SELENBP1: variants seen among roughly 807,000 people sequenced by gnomAD.
SELENBP1 encodes selenium binding protein 1.
A neutral mutation model predicts 61.0 loss-of-function variants in SELENBP1; 71 were observed. The ratio of observed to expected loss-of-function variants is 1.16; its 90% CI spans 0.96 to 1.42. SELENBP1 has a LOEUF of 1.42. SELENBP1 is among the 40% of genes most tolerant of loss of function. The pLI, the probability that SELENBP1 is intolerant of heterozygous loss-of-function variation, is 0.00. For synonymous variants in SELENBP1, 270 were observed against 238.9 expected (o/e 1.13, Z -1.20); for missense variants, 561 against 605.0 (o/e 0.93, Z 0.76).
Position 151,365,265 on chromosome 1 carries a change from C to T in SELENBP1, c.1061G>A (p.Ser354Asn), listed in dbSNP as rs1331829672. The T allele has an allele frequency of 6.2e-7, 1 of 1,612,582 alleles. No individual in the cohort carries two copies. The highest frequency in any genetic ancestry group is 1.1e-5 in the South Asian group (1 of 90,778). ...RLTGQLFLGG[S>N]IVKGGPVQVL... ...TTGCACAGGGCCTCCCTTAACAATG[C>T]TGCCTCCGAGGAAGAGCTAGATGGG... The change falls in exon 10 of 12, where the codon AGC becomes AAC. Residue 354 changes from serine to asparagine, a missense_variant. By Grantham distance (46) the Ser-to-Asn change is conservative (BLOSUM62 1). Transcript: ENST00000368868.
At chr1:151,369,982 A>G in intron 1 of SELENBP1, 1 of 1,469,076 alleles carries the variant, frequency 6.8e-7, no homozygotes, top group Non-Finnish European at 9.0e-7. Flanking sequence ...ACATGACCTG[A>G]AGGTGGACAG....
intron 1 of SELENBP1, 190 bp from the exon 2 acceptor site, chr1:151,369,959 A>T (rs1652064156): frequency 6.7e-7 from 1 of 1,490,382 alleles, no homozygotes; most frequent in East Asian, 2.5e-5. Context: ...TTGTGCTGGG[A>T]AGAGCTGGAG....
At chr1:151,370,013 G>T (rs192314072) in intron 1 of SELENBP1, 2 of 1,441,164 alleles carry the variant, frequency 1.4e-6, no homozygotes, top group Middle Eastern at 2.5e-4. Flanking sequence ...AGGGCCCCGG[G>T]AGGGTGGGAG....
chr1:151,369,830 C>T, intron 1 of SELENBP1, 61 bp from the exon 2 acceptor site: 1 of 1,551,716 alleles, frequency 6.4e-7, no homozygotes, highest in Non-Finnish European at 8.7e-7. Context: ...GCTCCCTCCG[C>T]ACGTTCTGCA....
At position 151,365,597 on chromosome 1, in the gene SELENBP1, A is replaced by T. The variant is rs761334040; in HGVS notation, c.1010T>A (p.Ile337Asn). ...GAGGCGGGGTCTCTGTGGGTCAGAG[A>T]TGTCATACTGCCTCAGGTCCCCATG... The part of the protein sequence containing the change: ...WLHGDLRQYD[I>N]SDPQRPRLTG... Residue 337 changes from isoleucine (I) to asparagine (N), a missense_variant, in exon 9 of 12, where the codon ATC (isoleucine) becomes AAC (asparagine). Coordinates refer to ENST00000368868, the MANE Select transcript of SELENBP1 (RefSeq NM_003944.4). 4 of 1,613,952 alleles carry T rather than the reference A, an allele frequency of 2.5e-6. No individual in the cohort carries two copies. The highest frequency in any genetic ancestry group is 2.2e-5 in the South Asian group (2 of 91,074).
At chr1:151,368,051 T>C (rs1651948105) in intron 5 of SELENBP1, 148 bp downstream of exon 5, 1 of 1,036,344 alleles carries the variant, frequency 9.6e-7, no homozygotes, top group Non-Finnish European at 1.4e-6. Flanking sequence ...CTTGCTAACA[T>C]TTAAAATACT....
rs377616048 is a variant in SELENBP1 at position 151,366,856 on chromosome 1, C to A, written c.530G>T (p.Trp177Leu). Residue 177 changes from tryptophan to leucine, a missense_variant, in exon 6 of 12, where the codon TGG becomes TTG. Coordinates refer to ENST00000368868, the MANE Select transcript of SELENBP1 (RefSeq NM_003944.4). ...DGETFEVKGT[W>L]ERPGGAAPLG... ...CGGTGCAGCACCCCCAGGTCTCTCC[C>A]ATGTCCCCTTCACCTCGAACGTCTC... 1.2e-5 allele frequency: 20 copies of A among 1,614,082 alleles called. No homozygotes were observed. Among genetic ancestry groups the A allele is most frequent in the Non-Finnish European group, 1.6e-5 (19 of 1,180,038 alleles).
chr1:151,372,233 TC>T (rs1299724974), intron 1 of SELENBP1, among the ~76,000 whole-genome samples: 2 of 152,152 alleles, frequency 1.3e-5, no homozygotes, highest in Non-Finnish European at 2.9e-5. Context: ...GGCTTTGGAC[TC>T]CCTACCTCGC....
In SELENBP1 at chr1:151,365,810, G is replaced by A. The variant is rs539688714; in HGVS notation, c.880C>T (p.Pro294Ser). Residue 294 changes from proline to serine, a missense_variant, in exon 8 of 12, where the codon CCC becomes TCC. Transcript: ENST00000368868. ...AGCCAGCCCTTCACTTTCTTGGGGG[G>A]CACCTGGATCACCTTCTCCACTGAC... ...TWSVEKVIQVPPKKVKGWLLP... is the reference protein window; with the variant it reads ...TWSVEKVIQVSPKKVKGWLLP... The A allele has an allele frequency of 3.7e-5, 59 of 1,614,150 alleles. 1 individual carries two copies. The highest frequency in any genetic ancestry group is 3.4e-4 in the South Asian group (31 of 91,078).
chr1:151,371,173 C>G (rs936248817), intron 1 of SELENBP1, among the ~76,000 whole-genome samples: 6 of 152,022 alleles, frequency 3.9e-5, no homozygotes, highest in Admixed American at 1.3e-4. Flanking sequence ...CACCTAAGGT[C>G]AGGAGTTTGA....
At chr1:151,364,877 C>T in intron 11 of SELENBP1, 49 bp downstream of exon 11, 5 of 1,593,028 alleles carry the variant, frequency 3.1e-6, no homozygotes, top group South Asian at 2.2e-5. Flanking sequence ...CAAATGACCC[C>T]TCTGGAAGAG....
At chr1:151,368,400 A>G in intron 4 of SELENBP1, 81 bp from the exon 5 acceptor site, 8 of 1,550,614 alleles carry the variant, frequency 5.2e-6, no homozygotes, top group Non-Finnish European at 7.1e-6. Context: ...CCCTACTTCT[A>G]TCTGCTGACT....
chr1:151,369,556 T>C lies in SELENBP1; in HGVS notation c.62-2A>G. 6.2e-7 allele frequency: 1 copy of C among 1,602,354 alleles called. No homozygotes were observed. Among genetic ancestry groups the C allele is most frequent in the Non-Finnish European group, 8.5e-7 (1 of 1,174,820 alleles). On this transcript the variant is annotated splice_acceptor_variant, in intron 2 of 11. Transcript: ENST00000368868. LOFTEE classifies it high-confidence loss of function. The stretch of plus-strand genomic sequence containing the variant: ...GGTAGACGATCTCTTCCCTGGGTCC[T>C]GCACGGTAGAAAGCAGGCAGCAGGG...
Position 151,369,051 on chromosome 1 carries a change from A to G in SELENBP1, c.313T>C (p.Tyr105His). 1 of 1,613,842 alleles carries G rather than the reference A, an allele frequency of 6.2e-7. No individual in the cohort carries two copies. ...GGCTCAGAGCCCACGTCCACCACAT[A>G]GATGCGAGAGGAGATGAGACTGGGC... ...VLPSLISSRI[Y>H]VVDVGSEPRA... Residue 105 changes from tyrosine to histidine, a missense_variant, in exon 4 of 12, where the codon TAT becomes CAT. Coordinates refer to ENST00000368868, the MANE Select transcript of SELENBP1 (RefSeq NM_003944.4).
rs1274755003 is a variant in SELENBP1, at chr1:151,364,567, A to G, written c.1395T>C (p.Asp465=). Reference sequence around the variant, plus strand: ...TTCAAATCCAGATGTCAGAGCTACAATCGCCCCCAGGGTAGCGGAGCTCAT... The same window carrying G: ...TTCAAATCCAGATGTCAGAGCTACAGTCGCCCCCAGGGTAGCGGAGCTCAT... ...LAHELRYPGG[D]CSSDIWI The change falls in exon 12 of 12, where the codon GAT becomes GAC. Residue 465 remains aspartate (D), a synonymous_variant. Transcript: ENST00000368868. 4.3e-6 allele frequency: 7 copies of G among 1,614,032 alleles called. No individual in the cohort carries two copies. The highest frequency in any genetic ancestry group is 2.2e-5 in the East Asian group (1 of 44,894).
intron 4 of SELENBP1, 55 bp from the exon 5 acceptor site, chr1:151,368,374 T>G: frequency 6.3e-7 from 1 of 1,593,240 alleles, no homozygotes; most frequent in Non-Finnish European, 8.6e-7. Flanking sequence ...GTCCCTGCTC[T>G]TAACCTCCAT....
rs758140716 is a variant in SELENBP1, at chr1:151,368,951, T to G, written c.360+53A>C. 42 of 1,547,444 alleles carry G rather than the reference T, an allele frequency of 2.7e-5. No individual in the cohort carries two copies. The South Asian group carries it at 4.4e-4, about 16-fold the overall frequency. ...TCTGGCTTCCTGCCCGTAGACTACC[T>G]GGGGTGGCAGGTGTCTTATGGTCTA... On this transcript the variant is annotated intron_variant, in intron 4 of 11. Transcript: ENST00000368868.
Position 151,366,259 on chromosome 1 carries a change from A to G in SELENBP1, c.843+16T>C, listed in dbSNP as rs746033998. 3.7e-6 allele frequency: 6 copies of G among 1,606,700 alleles called. No homozygotes were observed. Among genetic ancestry groups the G allele is most frequent in the South Asian group, 3.3e-5 (3 of 90,788 alleles). On this transcript the variant is annotated intron_variant, in intron 7 of 11. Coordinates refer to ENST00000368868, the MANE Select transcript of SELENBP1 (RefSeq NM_003944.4). The stretch of plus-strand genomic sequence containing the variant: ...ACAAGACTACTGGGAGGGGAGGGCC[A>G]GAGGGCGTATGTCACCTCGTTCTTG...
chr1:151,364,406 C>T lies in SELENBP1; in HGVS notation c.*137G>A, dbSNP rs1183821834. 1.9e-6 allele frequency: 2 copies of T among 1,029,636 alleles called. No homozygotes were observed. The highest frequency in any genetic ancestry group is 3.0e-6 in the Non-Finnish European group (2 of 676,182). The allele number at this position is 1,029,636 out of a possible 1,614,324, so 63.8% of individuals were successfully genotyped here. A position where few individuals can be genotyped will look rare whatever the true frequency, so the allele number is the denominator to read the frequency against. On this transcript the variant is annotated 3_prime_UTR_variant, in exon 12 of 12. Transcript: ENST00000368868. ...CAGTGGTCAGTAAATGTATATGACT[C>T]AACACATTGCCACAGTCTCAGCTTG... is the stretch of plus-strand genomic sequence containing the variant.
Sources: gnomAD v4.1 joint callset for allele counts (sites outside exome capture counted in the v4.1 genomes callset) on GRCh38, gnomAD v4.1.1 for gene constraint, MANE v1.5 for transcripts, NCBI Gene and HGNC (gene_info 2026-07-23, HGNC 2026-07-21) for gene names.